The following EPAS1 variants were observed in gnomAD, a reference collection of about 807,000 sequenced individuals.
The protein encoded by EPAS1 is endothelial PAS domain-containing protein 1.
In EPAS1, 23 loss-of-function variants were observed where a neutral mutation model predicts 87.9. That is an observed-to-expected ratio of 0.26 (90% CI 0.19 to 0.37). EPAS1 has a LOEUF of 0.37. EPAS1 is among the 10% of genes least tolerant of loss of function. The pLI, the probability that EPAS1 is intolerant of heterozygous loss-of-function variation, is 1.00. For missense variants in EPAS1, 1,138 were observed against 1,120.7 expected, an observed-to-expected ratio of 1.02 and a Z score of -0.22; for synonymous variants, 508 against 444.3, an observed-to-expected ratio of 1.14 and a Z score of -1.80.
At chr2:46,301,124 A>G (rs945550599) in intron 1 of EPAS1, among the ~76,000 whole-genome samples, 9 of 152,212 alleles carry the variant, frequency 5.9e-5, no homozygotes, top group African/African-American at 2.2e-4. Flanking sequence ...AAAGAATGCC[A>G]TCATTTCAAG....
intron 1 of EPAS1, among the ~76,000 whole-genome samples, chr2:46,308,819 G>A (rs983070522): frequency 6.6e-6 from 1 of 152,160 alleles, no homozygotes; most frequent in Non-Finnish European, 1.5e-5. Flanking sequence ...GTGCAAGAGG[G>A]CACTAGCTCT....
At chr2:46,351,113 A>G (rs1380721644) in intron 2 of EPAS1, among the ~76,000 whole-genome samples, 1 of 152,106 alleles carries the variant, frequency 6.6e-6, no homozygotes, top group African/African-American at 2.4e-5. Context: ...CCCACTCCAA[A>G]TCAAGGCCTT....
chr2:46,305,936 C>T (rs769561968), intron 1 of EPAS1, among the ~76,000 whole-genome samples: 19 of 152,164 alleles, frequency 1.2e-4, no homozygotes, highest in Admixed American at 2.0e-4. Context: ...CAATAGTATT[C>T]TTAGAAGTTA....
chr2:46,330,144 A>T (rs917848695), intron 1 of EPAS1, among the ~76,000 whole-genome samples: 1 of 152,176 alleles, frequency 6.6e-6, no homozygotes, highest in African/African-American at 2.4e-5. Flanking sequence ...CCAAGTTTCC[A>T]TCTTAATGCT....
chr2:46,355,363 A>C (rs1684248895), intron 2 of EPAS1, among the ~76,000 whole-genome samples: 1 of 152,204 alleles, frequency 6.6e-6, no homozygotes, highest in Admixed American at 6.5e-5. Flanking sequence ...CTGATCTAGG[A>C]ATAGAACCTG....
chr2:46,317,207 TCCTC>T (rs1683361457), intron 1 of EPAS1, among the ~76,000 whole-genome samples: 1 of 152,190 alleles, frequency 6.6e-6, no homozygotes, highest in African/African-American at 2.4e-5. Flanking sequence ...TATTTTGACA[TCCTC>T]CCACAAATTA....
At chr2:46,381,220 GT>G in intron 12 of EPAS1, 3 of 375,588 alleles carry the variant, frequency 8.0e-6, no homozygotes, top group Non-Finnish European at 1.5e-5. Flanking sequence ...AGGCACAGGG[GT>G]TGGTACATGA....
At chr2:46,332,332 G>GTGTATATATA (rs146630883) in intron 1 of EPAS1, among the ~76,000 whole-genome samples, 2 of 142,116 alleles carry the variant, frequency 1.4e-5, no homozygotes, top group African/African-American at 5.4e-5. Flanking sequence ...GTGTGTGTGT[G>GTGTATATATA]TATCAACTTG....
Position 46,340,945 on chromosome 2 carries a change from C to T in EPAS1, c.27-5928C>T, listed in dbSNP as rs150049928. 4.8e-3 allele frequency among the ~76,000 whole-genome samples: 727 copies of T among 152,218 alleles called. 5 individuals are homozygous for T. The highest frequency in any genetic ancestry group is 0.015 in the African/African-American group (640 of 41,536). ...TGTGTTGCCCAGCTGGTCTCAAACT[C>T]CTGGGCTCAAGCAATCCTCCTGCCT... On this transcript the variant is annotated intron_variant, in intron 1 of 15. Coordinates refer to ENST00000263734, the MANE Select transcript of EPAS1 (RefSeq NM_001430.5).
At chr2:46,338,113 C>G (rs1488992937) in intron 1 of EPAS1, among the ~76,000 whole-genome samples, 1 of 152,176 alleles carries the variant, frequency 6.6e-6, no homozygotes, top group East Asian at 1.9e-4. Flanking sequence ...GGGAAGGTCA[C>G]CCAATTACAA....
chr2:46,307,379 G>C (rs1001290575), intron 1 of EPAS1, among the ~76,000 whole-genome samples: 4 of 152,148 alleles, frequency 2.6e-5, no homozygotes, highest in African/African-American at 9.7e-5. Context: ...CAGATATTAA[G>C]ATAAGGAAAG....
intron 1 of EPAS1, among the ~76,000 whole-genome samples, chr2:46,325,423 G>A (rs911495217): frequency 2.0e-5 from 3 of 152,208 alleles, no homozygotes; most frequent in Admixed American, 6.5e-5. Context: ...ACCAAAGGGT[G>A]TCCTTCATTC....
intron 2 of EPAS1, among the ~76,000 whole-genome samples, chr2:46,353,124 C>T (rs1684204879): frequency 6.6e-6 from 1 of 152,178 alleles, no homozygotes; most frequent in African/African-American, 2.4e-5. Flanking sequence ...GGGTTGGCCT[C>T]TGTGTATCTA....
intron 4 of EPAS1, among the ~76,000 whole-genome samples, 180 bp downstream of exon 4, chr2:46,356,988 C>T (rs548278993): frequency 2.0e-5 from 3 of 152,122 alleles, no homozygotes; most frequent in African/African-American, 4.8e-5. Context: ...GGATCCAGTA[C>T]TCAGAAATAT....
At chr2:46,352,243 G>C (rs901813876) in intron 2 of EPAS1, among the ~76,000 whole-genome samples, 3 of 152,154 alleles carry the variant, frequency 2.0e-5, no homozygotes, top group Non-Finnish European at 4.4e-5. Flanking sequence ...ACTTTGTTCT[G>C]ACCAAGAGTT....
chr2:46,335,296 T>C (rs1293078306), intron 1 of EPAS1, among the ~76,000 whole-genome samples: 2 of 152,204 alleles, frequency 1.3e-5, no homozygotes, highest in Non-Finnish European at 2.9e-5. Context: ...TCTTTGAAAT[T>C]AAAGTGTCTG....
chr2:46,314,355 G>A (rs1683272969), intron 1 of EPAS1, among the ~76,000 whole-genome samples: 1 of 152,204 alleles, frequency 6.6e-6, no homozygotes, highest in South Asian at 2.1e-4. Flanking sequence ...GGCTGGCTCT[G>A]CGTGTTGAAA....
chr2:46,378,147 G>C, intron 10 of EPAS1, 60 bp downstream of exon 10: 1 of 1,542,272 alleles, frequency 6.5e-7, no homozygotes, highest in South Asian at 1.2e-5. Context: ...ACTGCTGCCA[G>C]ATGGCTGAAG....
At chr2:46,377,766 G>T (rs888542547) in intron 9 of EPAS1, 128 bp from the exon 10 acceptor site, 1 of 1,488,604 alleles carries the variant, frequency 6.7e-7, no homozygotes, top group Admixed American at 2.0e-5. Flanking sequence ...CAGGGTGTTG[G>T]GGGGGCCTAG....
Sources: gnomAD v4.1 joint callset for allele counts (sites outside exome capture counted in the v4.1 genomes callset) on GRCh38, gnomAD v4.1.1 for gene constraint, MANE v1.5 for transcripts, NCBI Gene and HGNC (gene_info 2026-07-23, HGNC 2026-07-21) for gene names.